The following SLC12A6 variants were observed in gnomAD, a reference collection of about 807,000 sequenced individuals.
SLC12A6 encodes the protein K-Cl cotransporter 3.
SLC12A6 carries 66 observed loss-of-function variants against 135.3 expected under a neutral mutation model. The ratio of observed to expected loss-of-function variants is 0.49; its 90% CI spans 0.40 to 0.60. The LOEUF (loss-of-function observed/expected upper bound fraction) is 0.60. Ranked by LOEUF, SLC12A6 falls within the 20% of genes least tolerant of loss-of-function variation. SLC12A6 has a pLI of 0.00. For synonymous variants in SLC12A6, 513 were observed against 508.8 expected (o/e 1.01, Z -0.11); for missense variants, 1,058 against 1,452.3 (o/e 0.73, Z 4.41).
chr15:34,330,605 C>T (rs1889772605), intron 2 of SLC12A6, among the ~76,000 whole-genome samples: 1 of 151,712 alleles, frequency 6.6e-6, no homozygotes, highest in African/African-American at 2.4e-5. Context: ...AAAGTTGAGG[C>T]TGCAGTGAGC....
At chr15:34,236,312 G>A in intron 23 of SLC12A6, 113 bp from the exon 24 acceptor site, 1 of 809,240 alleles carries the variant, frequency 1.2e-6, no homozygotes, top group Non-Finnish European at 2.1e-6. Context: ...GAGTGAGAAG[G>A]AATTTGTCAT....
rs562654683 is a variant in SLC12A6 at position 34,278,594 on chromosome 15, T to C, written c.272-3205A>G. ...ACAAGTCCTTTTATTTTTTTTGAGA[T>C]GGAGTCTTGCTCTGTCGCCCAGGCT... On this transcript the variant is annotated intron_variant, in intron 2 of 25. Transcript: ENST00000354181. Among the ~76,000 whole-genome samples, 5 of 152,068 alleles carry C rather than the reference T, an allele frequency of 3.3e-5. No individual in the cohort carries two copies. The South Asian group carries it at 8.3e-4, about 25-fold the overall frequency.
At chr15:34,293,774 A>C (rs774668276) in intron 2 of SLC12A6, among the ~76,000 whole-genome samples, 1 of 152,148 alleles carries the variant, frequency 6.6e-6, no homozygotes, top group Non-Finnish European at 1.5e-5. Context: ...TAATTAAAAA[A>C]ATGTTTTTTT....
intron 12 of SLC12A6, 128 bp from the exon 13 acceptor site, chr15:34,250,483 A>G: frequency 1.2e-6 from 1 of 844,216 alleles, no homozygotes; most frequent in Non-Finnish European, 2.1e-6. Flanking sequence ...TCTTTTTTGA[A>G]TTTTCTATAT....
chr15:34,295,875 G>A lies in SLC12A6; in HGVS notation c.272-20486C>T, dbSNP rs11857295. Among the ~76,000 whole-genome samples, 751 of 152,020 alleles carry A rather than the reference G, an allele frequency of 4.9e-3. 3 individuals are homozygous for A. The highest frequency in any genetic ancestry group is 0.017 in the African/African-American group (693 of 41,504). ...ATTAGCCAGGCATGGTGGCACATGC[G>A]TGTAAGCCCAGCTACTCGGGAGGCT... On this transcript the variant is annotated intron_variant, in intron 2 of 25. Coordinates refer to ENST00000354181, the MANE Select transcript of SLC12A6 (RefSeq NM_001365088.1).
intron 3 of SLC12A6, among the ~76,000 whole-genome samples, chr15:34,274,539 G>A (rs1894168881): frequency 6.6e-6 from 1 of 152,154 alleles, no homozygotes; most frequent in Admixed American, 6.5e-5. Context: ...TCAAGGCCGG[G>A]TGCAGTGGCT....
chr15:34,237,124 G>C (rs1006473305), intron 22 of SLC12A6: 3 of 465,600 alleles, frequency 6.4e-6, no homozygotes, highest in African/African-American at 5.9e-5. Flanking sequence ...GTGATTTTAA[G>C]CTGAATATAT....
At chr15:34,300,035 C>T (rs1376794230) in intron 2 of SLC12A6, among the ~76,000 whole-genome samples, 2 of 151,786 alleles carry the variant, frequency 1.3e-5, no homozygotes, top group African/African-American at 4.8e-5. Flanking sequence ...GAGCAAAAAT[C>T]GGCGAGAAAG....
chr15:34,301,858 T>C (rs1199919963), intron 2 of SLC12A6, among the ~76,000 whole-genome samples: 2 of 152,206 alleles, frequency 1.3e-5, no homozygotes, highest in Admixed American at 1.3e-4. Flanking sequence ...CCAGTACATA[T>C]GCTAAGAATA....
Position 34,255,373 on chromosome 15 carries a change from C to T in SLC12A6, c.765G>A (p.Met255Ile). The T allele has an allele frequency of 6.2e-7, 1 of 1,610,712 alleles. No individual in the cohort carries two copies. The highest frequency in any genetic ancestry group is 1.1e-5 in the South Asian group (1 of 90,990). ...ACTCTGGGCCCAGTGCCCGGGAAAT[C>T]ATAAAGTATGAGCCCCCAGCTAAAA... ...GVVPAGGSYF[M>I]ISRALGPEFG... The change falls in exon 8 of 26, where the codon ATG becomes ATA. Residue 255 changes from methionine to isoleucine, a missense_variant. Met to Ile is a conservative substitution (Grantham distance 10). Coordinates refer to ENST00000354181, the MANE Select transcript of SLC12A6 (RefSeq NM_001365088.1).
At chr15:34,331,368 T>C (rs1776627587) in intron 2 of SLC12A6, among the ~76,000 whole-genome samples, 1 of 152,192 alleles carries the variant, frequency 6.6e-6, no homozygotes, top group Admixed American at 6.5e-5. Flanking sequence ...CTCGAACGCC[T>C]GGCCTCAAGT....
chr15:34,250,517 G>A, intron 12 of SLC12A6, 114 bp downstream of exon 12: 3 of 831,010 alleles, frequency 3.6e-6, no homozygotes, highest in Non-Finnish European at 6.4e-6. Flanking sequence ...AATCTGGCAA[G>A]AAGTGAAGTG....
chr15:34,337,114 T>G (rs568371652), intron 1 of SLC12A6: 2 of 290,780 alleles, frequency 6.9e-6, no homozygotes, highest in African/African-American at 2.2e-5. Flanking sequence ...ACGGTTCTAG[T>G]TGGGCGAAGT....
rs1388370253 is a variant in SLC12A6 at position 34,264,804 on chromosome 15, T to C, written c.317-3784A>G. Among the ~76,000 whole-genome samples the C allele has an allele frequency of 3.3e-5, 5 of 152,244 alleles. No individual in the cohort carries two copies. In the South Asian group the frequency reaches 1.0e-3, roughly 32 times the overall value. On this transcript the variant is annotated intron_variant, in intron 3 of 25. Transcript: ENST00000354181. ...GCATTCATAAAAGTTCATTATGCTA[T>C]TCTACTTTTCTGTACCTTTGATATT... is the stretch of plus-strand genomic sequence containing the variant.
rs1892324580 is a variant in SLC12A6 at position 34,250,689 on chromosome 15, A to C, written c.1533T>G (p.Asp511Glu). The C allele has an allele frequency of 6.2e-7, 1 of 1,607,548 alleles. No individual in the cohort carries two copies. The highest frequency in any genetic ancestry group is 1.3e-5 in the African/African-American group (1 of 74,808). Reference sequence around the variant, plus strand: ...TACCAATCGGAATAGACTTCTGAGCATCTTTCAGATCTCCAGATCTGTTTG... The same window carrying C: ...TACCAATCGGAATAGACTTCTGAGCCTCTTTCAGATCTCCAGATCTGTTTG... The part of the protein sequence containing the change: ...AGSNRSGDLK[D>E]AQKSIPIGTI... The change falls in exon 12 of 26, where the codon GAT becomes GAG. Residue 511 changes from aspartate (D) to glutamate (E), a missense_variant. By Grantham distance (45) the Asp-to-Glu change is conservative. Transcript: ENST00000354181.
At position 34,255,385 on chromosome 15, in the gene SLC12A6, G is replaced by A. The variant is rs779949209; in HGVS notation, c.753C>T (p.Gly251=). The change falls in exon 8 of 26, where the codon GGC becomes GGT. Residue 251 remains glycine (G), a synonymous_variant. Coordinates refer to ENST00000354181, the MANE Select transcript of SLC12A6 (RefSeq NM_001365088.1). The part of the protein sequence containing the change: ...IATNGVVPAG[G]SYFMISRALG... Reference sequence around the variant, plus strand: ...GTGCCCGGGAAATCATAAAGTATGAGCCCCCAGCTAAAAGACAAAACAGAA... The same window carrying A: ...GTGCCCGGGAAATCATAAAGTATGAACCCCCAGCTAAAAGACAAAACAGAA... The A allele has an allele frequency of 8.7e-6, 14 of 1,608,836 alleles. No homozygotes were observed. The highest frequency in any genetic ancestry group is 1.1e-5 in the Non-Finnish European group (13 of 1,175,320).
At chr15:34,258,726 C>G in intron 5 of SLC12A6, 87 bp downstream of exon 5, 1 of 1,137,116 alleles carries the variant, frequency 8.8e-7, no homozygotes, top group Non-Finnish European at 1.3e-6. Flanking sequence ...TAAATAGCTG[C>G]TGAACACAGA....
At chr15:34,252,511 G>A (rs1892464956) in intron 9 of SLC12A6, 127 bp from the exon 10 acceptor site, 1 of 655,548 alleles carries the variant, frequency 1.5e-6, no homozygotes, top group African/African-American at 1.8e-5. Flanking sequence ...GGGTGGGAAA[G>A]GAACTAATGT....
chr15:34,307,901 T>C (rs139357659), intron 2 of SLC12A6, among the ~76,000 whole-genome samples: 151 of 152,314 alleles, frequency 9.9e-4, no homozygotes, highest in African/African-American at 3.6e-3. Flanking sequence ...AGGTTACATG[T>C]TGATGGAAAG....
Sources: gnomAD v4.1 joint callset for allele counts (sites outside exome capture counted in the v4.1 genomes callset) on GRCh38, gnomAD v4.1.1 for gene constraint, MANE v1.5 for transcripts, NCBI Gene and HGNC (gene_info 2026-07-23, HGNC 2026-07-21) for gene names.